Variants in RORA observed in about 807,000 individuals in gnomAD.
The protein encoded by RORA is nuclear receptor ROR-alpha.
RORA carries 7 observed loss-of-function variants against 69.5 expected under a neutral mutation model. That is an observed-to-expected ratio of 0.10 (90% CI 0.06 to 0.19). RORA has a LOEUF of 0.19. RORA is among the 10% of genes least tolerant of loss of function. The pLI is 1.00. For missense variants in RORA, 457 were observed against 663.0 expected, an observed-to-expected ratio of 0.69 and a Z score of 3.41; for synonymous variants, 261 against 240.8, an observed-to-expected ratio of 1.08 and a Z score of -0.78.
At chr15:60,684,793 A>G (rs2070714804) in intron 1 of RORA, among the ~76,000 whole-genome samples, 1 of 151,992 alleles carries the variant, frequency 6.6e-6, no homozygotes, top group South Asian at 2.1e-4. Flanking sequence ...TTGCACATTG[A>G]CTCCTCCTTT....
chr15:61,053,164 C>T (rs1410631802), intron 1 of RORA, among the ~76,000 whole-genome samples: 2 of 152,170 alleles, frequency 1.3e-5, no homozygotes, highest in Admixed American at 1.3e-4. Context: ...CTGAATCACT[C>T]GCTTTTCACC....
intron 1 of RORA, among the ~76,000 whole-genome samples, chr15:61,075,828 T>C (rs1392015660): frequency 6.6e-6 from 1 of 152,152 alleles, no homozygotes; most frequent in African/African-American, 2.4e-5. Flanking sequence ...ACACACGCAG[T>C]GGAGAAGCAA....
At chr15:60,799,182 ATTC>A (rs943221070) in intron 1 of RORA, among the ~76,000 whole-genome samples, 7 of 152,252 alleles carry the variant, frequency 4.6e-5, no homozygotes, top group African/African-American at 1.7e-4. Context: ...GCAGCTAACT[ATTC>A]TTCTGTAAGT....
At position 60,919,541 on chromosome 15, in the gene RORA, C is replaced by T. The variant is rs567057423; in HGVS notation, c.167-240855G>A. ...AGTGCCTCTGCATCCATTATAGAGG[C>T]TACTCTGGGATATTTAAATACATAT... On this transcript the variant is annotated intron_variant, in intron 1 of 10. Transcript: ENST00000335670. Among the ~76,000 whole-genome samples, 5 of 152,276 alleles carry T rather than the reference C, an allele frequency of 3.3e-5. No individual in the cohort carries two copies. In the East Asian group the frequency reaches 9.6e-4, roughly 29 times the overall value.
rs140660238 is a variant in RORA at position 60,625,042 on chromosome 15, C to T, written c.196+53615G>A. 3.4e-3 allele frequency among the ~76,000 whole-genome samples: 515 copies of T among 152,246 alleles called. 1 individual carries two copies. Among genetic ancestry groups the T allele is most frequent in the East Asian group, 0.016 (83 of 5,176 alleles). On this transcript the variant is annotated intron_variant, in intron 2 of 10. Coordinates refer to ENST00000335670, the MANE Select transcript of RORA (RefSeq NM_134261.3). The stretch of plus-strand genomic sequence containing the variant: ...CACTTGCCCAAGAACTACTTTTCTT[C>T]GTTTGCAAATTCAAACCACCAAAGA...
chr15:60,607,659 A>G (rs1374248386), intron 2 of RORA, among the ~76,000 whole-genome samples: 1 of 152,222 alleles, frequency 6.6e-6, no homozygotes, highest in Non-Finnish European at 1.5e-5. Context: ...CTCTTCAAAC[A>G]CAACCCTTTC....
intron 2 of RORA, among the ~76,000 whole-genome samples, chr15:60,650,885 T>C (rs2070133083): frequency 6.6e-6 from 1 of 152,176 alleles, no homozygotes; most frequent in African/African-American, 2.4e-5. Flanking sequence ...TTTAATCCCC[T>C]TTTGATGGAT....
chr15:61,106,604 C>T, intron 1 of RORA, among the ~76,000 whole-genome samples: 1 of 152,114 alleles, frequency 6.6e-6, no homozygotes, highest in East Asian at 1.9e-4. Flanking sequence ...GACCAGCTCC[C>T]CCTCCTCCCA....
intron 2 of RORA, among the ~76,000 whole-genome samples, chr15:60,672,569 G>C (rs2070490156): frequency 6.6e-6 from 1 of 152,202 alleles, no homozygotes; most frequent in African/African-American, 2.4e-5. Flanking sequence ...GGAGATAACG[G>C]TGTGGCTCTT....
At chr15:60,846,291 AT>A (rs1203281758) in intron 1 of RORA, among the ~76,000 whole-genome samples, 1 of 152,070 alleles carries the variant, frequency 6.6e-6, no homozygotes, top group African/African-American at 2.4e-5. Flanking sequence ...TTGCATACTT[AT>A]TTTTTTCAGA....
chr15:60,865,441 G>C (rs953177098), intron 1 of RORA, among the ~76,000 whole-genome samples: 5 of 152,188 alleles, frequency 3.3e-5, no homozygotes, highest in Non-Finnish European at 4.4e-5. Context: ...ATAGAGCTGT[G>C]GTTTTTGCTT....
chr15:61,173,162 A>G (rs940148043), intron 1 of RORA, among the ~76,000 whole-genome samples: 4 of 152,062 alleles, frequency 2.6e-5, no homozygotes, highest in African/African-American at 9.7e-5. Context: ...CCTCATCTCA[A>G]TCCTATGAGC....
At chr15:60,498,117 A>G (rs2065219394) in intron 10 of RORA, among the ~76,000 whole-genome samples, 1 of 152,176 alleles carries the variant, frequency 6.6e-6, no homozygotes, top group Non-Finnish European at 1.5e-5. Context: ...CCAAGTATAC[A>G]TTAAATATGA....
intron 1 of RORA, among the ~76,000 whole-genome samples, chr15:60,696,876 T>G (rs1353212509): frequency 2.0e-5 from 3 of 152,162 alleles, no homozygotes; most frequent in Non-Finnish European, 4.4e-5. Context: ...TTTCCTAAAA[T>G]GGATATAGCC....
chr15:60,821,075 A>G (rs2072886937), intron 1 of RORA, among the ~76,000 whole-genome samples: 1 of 151,628 alleles, frequency 6.6e-6, no homozygotes, highest in Non-Finnish European at 1.5e-5. Context: ...GGTGTCACCA[A>G]TTACCTATTT....
intron 1 of RORA, among the ~76,000 whole-genome samples, chr15:60,946,731 C>T (rs573599870): frequency 9.6e-4 from 145 of 151,602 alleles, no homozygotes; most frequent in African/African-American, 3.3e-3. Flanking sequence ...GGCTGCCCAT[C>T]GTCTGGGATG....
chr15:60,802,179 C>T (rs994856982), intron 1 of RORA, among the ~76,000 whole-genome samples: 1 of 152,180 alleles, frequency 6.6e-6, no homozygotes, highest in South Asian at 2.1e-4. Context: ...AATTCTGCAC[C>T]TGGGCCCTGA....
chr15:61,124,634 A>AT (rs999882401), intron 1 of RORA, among the ~76,000 whole-genome samples: 2 of 152,080 alleles, frequency 1.3e-5, no homozygotes, highest in Admixed American at 1.3e-4. Context: ...ATCTTGTTTT[A>AT]TTTTTTTCCC....
At chr15:60,582,743 T>G (rs994911733) in intron 2 of RORA, among the ~76,000 whole-genome samples, 1 of 152,252 alleles carries the variant, frequency 6.6e-6, no homozygotes, top group African/African-American at 2.4e-5. Flanking sequence ...TGGGCTTATA[T>G]ATCTTTTAAA....
Sources: gnomAD v4.1 joint callset for allele counts (sites outside exome capture counted in the v4.1 genomes callset) on GRCh38, gnomAD v4.1.1 for gene constraint, MANE v1.5 for transcripts, NCBI Gene and HGNC (gene_info 2026-07-23, HGNC 2026-07-21) for gene names.